FGF13: variants seen among roughly 807,000 people sequenced by gnomAD.
The protein encoded by FGF13 is fibroblast growth factor homologous factor 2.
A neutral mutation model predicts 19.5 loss-of-function variants in FGF13; 2 were observed. The ratio of observed to expected loss-of-function variants is 0.10; its 90% CI spans 0.04 to 0.32. The LOEUF (loss-of-function observed/expected upper bound fraction) is 0.32. FGF13 is among the 10% of genes least tolerant of loss of function. The probability of loss-of-function intolerance (pLI) is 1.00; values close to 1 mark genes in which losing one functional copy is unlikely to be tolerated. For synonymous variants in FGF13, 72 were observed against 76.9 expected (o/e 0.94, Z 0.33); for missense variants, 113 against 192.7 (o/e 0.59, Z 2.45).
chrX:138,761,653 G>T (rs955442713), intron 3 of FGF13, among the ~76,000 whole-genome samples: 3 of 111,770 alleles, frequency 2.7e-5, no homozygotes, highest in African/African-American at 9.8e-5. Context: ...TAACAAAGCT[G>T]CCCCATCATC....
At chrX:139,143,823 G>A (rs2083865829) in intron 1 of FGF13, among the ~76,000 whole-genome samples, 1 of 111,735 alleles carries the variant, frequency 8.9e-6, no homozygotes, top group South Asian at 3.8e-4. Flanking sequence ...CTAGTCCCAA[G>A]GGACTTCCAT....
chrX:138,861,804 A>G (rs1411975615), intron 2 of FGF13, among the ~76,000 whole-genome samples: 1 of 111,033 alleles, frequency 9.0e-6, no homozygotes, highest in Non-Finnish European at 1.9e-5. Flanking sequence ...TGAGTTCGAG[A>G]CTAGACTGGC....
At chrX:138,981,245 AG>A (rs1344879032) in intron 1 of FGF13, among the ~76,000 whole-genome samples, 2 of 109,905 alleles carry the variant, frequency 1.8e-5, no homozygotes, top group African/African-American at 3.3e-5. Flanking sequence ...GAGAAACAAC[AG>A]GTACAATGGC....
Position 138,711,054 on chromosome X carries a change from GCCT to G in FGF13, c.-54_-52del, listed in dbSNP as rs749899879. ...TCTTTTGCTGCCCCTCTCTGGGTTCGCCTCCTCCTCCTTCTCCTCCGCTGCTTG... is the reference window on the plus strand; with the variant it reads ...TCTTTTGCTGCCCCTCTCTGGGTTCGCCTCCTCCTTCTCCTCCGCTGCTTG... On this transcript the variant is annotated 5_prime_UTR_variant, in exon 1 of 5. Coordinates refer to ENST00000315930, the MANE Select transcript of FGF13 (RefSeq NM_004114.5). The G allele has an allele frequency of 2.7e-5, 32 of 1,195,203 alleles. No individual in the cohort carries two copies. In the African/African-American group the frequency reaches 3.5e-4, roughly 13 times the overall value.
chrX:138,844,489 C>T (rs182760805), intron 3 of FGF13, among the ~76,000 whole-genome samples: 5 of 111,564 alleles, frequency 4.5e-5, no homozygotes, highest in Non-Finnish European at 5.7e-5. Context: ...GCCATTTATT[C>T]CCAAGAGCGT....
In FGF13 at chrX:138,644,432, C is replaced by T. The variant is rs138584538; in HGVS notation, c.403-8777G>A. On this transcript the variant is annotated intron_variant, in intron 3 of 4. Transcript: ENST00000315930. ...AGCTGGGATTACAGGCAAGGGCCAC[C>T]ACACCTGGCTAATTTTTGTATTTTT... 3.3e-3 allele frequency among the ~76,000 whole-genome samples: 362 copies of T among 110,889 alleles called. 2 individuals carry two copies. The highest frequency in any genetic ancestry group is 0.011 in the African/African-American group (335 of 30,504).
intron 3 of FGF13, among the ~76,000 whole-genome samples, chrX:138,818,744 T>C (rs2090979274): frequency 1.8e-5 from 2 of 111,256 alleles, no homozygotes; most frequent in African/African-American, 6.5e-5. Context: ...GAATCATCCT[T>C]AGTTTACTTT....
intron 3 of FGF13, among the ~76,000 whole-genome samples, chrX:138,764,425 C>T (rs2090490056): frequency 8.9e-6 from 1 of 112,832 alleles, no homozygotes; most frequent in African/African-American, 3.2e-5. Flanking sequence ...CTAGTGTAGG[C>T]TGCTTAAAGG....
In FGF13 at chrX:139,001,072, C is replaced by G. The variant is rs768607771; in HGVS notation, c.-112-136422G>C. Among the ~76,000 whole-genome samples, 6 of 111,739 alleles carry G rather than the reference C, an allele frequency of 5.4e-5. No homozygotes were observed. The East Asian group carries it at 1.4e-3, about 26-fold the overall frequency. ...TGATCTTTGACAAATCTGATAAAAA[C>G]AAGCAATGGGGAAAGGGTTCCCTGT... is the stretch of plus-strand genomic sequence containing the variant. On this transcript the variant is annotated intron_variant, in intron 1 of 2. Coordinates refer to the FGF13 transcript ENST00000421460.
chrX:138,672,104 C>T (rs2089619513), intron 3 of FGF13, among the ~76,000 whole-genome samples: 1 of 109,462 alleles, frequency 9.1e-6, no homozygotes, highest in Non-Finnish European at 1.9e-5. Flanking sequence ...AAGTAAGGAG[C>T]TAGTAAGGGT....
At chrX:138,777,192 G>T (rs182477497) in intron 3 of FGF13, among the ~76,000 whole-genome samples, 4 of 111,249 alleles carry the variant, frequency 3.6e-5, no homozygotes, top group African/African-American at 1.3e-4. Flanking sequence ...ATGGCAGCAA[G>T]GGGACATGAT....
chrX:139,177,984 T>G (rs2084204067), intron 1 of FGF13, among the ~76,000 whole-genome samples: 1 of 112,275 alleles, frequency 8.9e-6, no homozygotes, highest in African/African-American at 3.2e-5. Flanking sequence ...CAGCTCCTTG[T>G]GCTTCCCAGG....
intron 3 of FGF13, among the ~76,000 whole-genome samples, chrX:138,650,843 C>T (rs1470918872): frequency 2.7e-5 from 3 of 111,660 alleles, no homozygotes; most frequent in African/African-American, 3.3e-5. Context: ...TGCTGCACAA[C>T]ACCAGAATTC....
intron 1 of FGF13, among the ~76,000 whole-genome samples, chrX:138,918,778 A>C (rs1343364715): frequency 8.9e-6 from 1 of 111,934 alleles, no homozygotes; most frequent in Non-Finnish European, 1.9e-5. Flanking sequence ...GTCTTGAGGA[A>C]TGTAATGAAA....
At chrX:138,667,476 T>A (rs1360183347) in intron 3 of FGF13, among the ~76,000 whole-genome samples, 3 of 111,019 alleles carry the variant, frequency 2.7e-5, no homozygotes, top group Non-Finnish European at 3.8e-5. Flanking sequence ...ATACACAAAA[T>A]AACTGTTCAG....
At chrX:138,711,875 T>A (rs1256485188), upstream of FGF13, among the ~76,000 whole-genome samples, 1 of 91,325 alleles carries the variant, frequency 1.1e-5, no homozygotes, top group Non-Finnish European at 2.1e-5. Context: ...GCTTCCGCAC[T>A]GCCCCAGTCG....
rs150959927 is a variant in FGF13 at position 139,074,632 on chromosome X, A to G, written c.-113+128784T>C. Among the ~76,000 whole-genome samples, 1,034 of 111,982 alleles carry G rather than the reference A, an allele frequency of 9.2e-3. 11 individuals are homozygous for G. Among genetic ancestry groups the G allele is most frequent in the African/African-American group, 0.031 (953 of 30,795 alleles). On this transcript the variant is annotated intron_variant, in intron 1 of 2. Coordinates refer to the FGF13 transcript ENST00000421460. ...CCACCTTACACTTCCAGAAACATCT[A>G]TTTAAAACACCATCTTCCATAAAAC...
chrX:138,727,655 C>A (rs1291345341), intron 1 of FGF13, among the ~76,000 whole-genome samples: 1 of 111,340 alleles, frequency 9.0e-6, no homozygotes, highest in East Asian at 2.8e-4. Flanking sequence ...GAAGCTAATA[C>A]ATTCTTCATA....
chrX:138,739,958 A>G (rs1001096048), upstream of FGF13, among the ~76,000 whole-genome samples: 3 of 112,177 alleles, frequency 2.7e-5, no homozygotes, highest in African/African-American at 9.7e-5. Flanking sequence ...AAAGGCTTTT[A>G]GCTAATTATA....
Sources: allele counts gnomAD v4.1 joint callset (sites outside exome capture counted in the v4.1 genomes callset), GRCh38; gene constraint gnomAD v4.1.1; transcripts MANE v1.5; gene names NCBI Gene and HGNC (gene_info 2026-07-23, HGNC 2026-07-21).